CEP162: variants seen among roughly 807,000 people sequenced by gnomAD.
CEP162 encodes centrosomal protein 162, also known as centrosomal protein of 162 kDa.
CEP162 carries 141 observed loss-of-function variants against 169.2 expected under a neutral mutation model. That is an observed-to-expected ratio of 0.83 (90% confidence interval 0.73 to 0.96). The LOEUF (loss-of-function observed/expected upper bound fraction) is 0.96. Ranked by LOEUF, CEP162 falls within the 40% of genes least tolerant of loss-of-function variation. The pLI is 0.00. For missense variants in CEP162, 1,600 were observed against 1,587.2 expected, an observed-to-expected ratio of 1.01 and a Z score of -0.14; for synonymous variants, 540 against 526.4, an observed-to-expected ratio of 1.03 and a Z score of -0.35.
chr6:84,139,413 T>TG (rs1420518739), intron 25 of CEP162, among the ~76,000 whole-genome samples: 1 of 152,266 alleles, frequency 6.6e-6, no homozygotes, highest in Non-Finnish European at 1.5e-5. Context: ...TCCTGTGATG[T>TG]GTGCTGCACA....
intron 3 of CEP162, among the ~76,000 whole-genome samples, chr6:84,217,464 G>A (rs1447810319): frequency 6.6e-6 from 1 of 152,084 alleles, no homozygotes; most frequent in African/African-American, 2.4e-5. Flanking sequence ...GAGGAGGAAA[G>A]CAGTGTACAG....
At chr6:84,208,248 G>A (rs746272895) in intron 6 of CEP162, among the ~76,000 whole-genome samples, 2 of 152,108 alleles carry the variant, frequency 1.3e-5, no homozygotes, top group African/African-American at 2.4e-5. Flanking sequence ...CTACTTATGG[G>A]GAAGGTTGGA....
At chr6:84,180,020 A>T (rs919946794) in intron 13 of CEP162, among the ~76,000 whole-genome samples, 17 of 152,172 alleles carry the variant, frequency 1.1e-4, no homozygotes, top group African/African-American at 4.1e-4. Context: ...CTGATACTAA[A>T]GCCTGGCAGA....
chr6:84,173,683 TAC>T (rs1177165709), intron 16 of CEP162, among the ~76,000 whole-genome samples: 1 of 141,644 alleles, frequency 7.1e-6, no homozygotes, highest in East Asian at 1.9e-4. Flanking sequence ...TATTTTAATA[TAC>T]CTTTTTTTTT....
Position 84,147,953 on chromosome 6 carries a change from CTTT to C in CEP162, c.3772-1171_3772-1169del, listed in dbSNP as rs996283033. 7.2e-5 allele frequency among the ~76,000 whole-genome samples: 11 copies of C among 152,092 alleles called. 1 individual carries two copies. Among genetic ancestry groups the C allele is most frequent in the Admixed American group, 3.9e-4 (6 of 15,256 alleles). ...TAATGATCAGACTATGCTGATTTCT[CTTT>C]AACTCAATTTTACAATATTACATTT... On this transcript the variant is annotated intron_variant, in intron 24 of 26. Transcript: ENST00000403245.
chr6:84,140,684 C>T (rs1053358326), intron 25 of CEP162, among the ~76,000 whole-genome samples: 1 of 152,038 alleles, frequency 6.6e-6, no homozygotes, highest in African/African-American at 2.4e-5. Flanking sequence ...TGTTACTGCA[C>T]AGGCTAATTT....
At chr6:84,219,177 T>G (rs1217292041) in intron 3 of CEP162, 1 of 1,290,014 alleles carries the variant, frequency 7.8e-7, no homozygotes, top group East Asian at 5.6e-5. Context: ...TCTACACTCT[T>G]GATACAGGAA....
At chr6:84,195,285 T>C (rs1298001028) in intron 9 of CEP162, among the ~76,000 whole-genome samples, 1 of 152,234 alleles carries the variant, frequency 6.6e-6, no homozygotes, top group Non-Finnish European at 1.5e-5. Context: ...GTGGTAAGCA[T>C]AAAATCTGCT....
At chr6:84,175,039 G>T in intron 14 of CEP162, 85 bp from the exon 15 acceptor site, 1 of 1,000,750 alleles carries the variant, frequency 1.0e-6, no homozygotes. Context: ...AGAATAAAAA[G>T]GACATGGTTA....
chr6:84,180,275 C>T (rs2099534213), intron 13 of CEP162, among the ~76,000 whole-genome samples: 1 of 152,062 alleles, frequency 6.6e-6, no homozygotes, highest in African/African-American at 2.4e-5. Flanking sequence ...GTAGAAAAGG[C>T]CTTTGACAAA....
intron 13 of CEP162, 106 bp from the exon 14 acceptor site, chr6:84,175,453 G>A (rs1011961071): frequency 2.5e-6 from 2 of 797,972 alleles, no homozygotes; most frequent in Non-Finnish European, 1.9e-6. Context: ...CAAAAATGAG[G>A]ATCTCAGAAT....
rs199967488 is a variant in CEP162 at position 84,125,174 on chromosome 6, G to A, written c.4108C>T (p.Arg1370Cys). 5.6e-6 allele frequency: 9 copies of A among 1,613,442 alleles called. No individual in the cohort carries two copies. The highest frequency in any genetic ancestry group is 3.3e-5 in the South Asian group (3 of 91,056). ...QLKNRELEKF[R>C]TELDSILDVL... is the part of the protein sequence containing the mutation. ...TCTAATATTGAGTCTAGTTCTGTGC[G>A]GAACTTCTCCAGCTCACGATTCTTT... Residue 1370 changes from arginine (R) to cysteine (C), a missense_variant, in exon 27 of 27, where the codon CGC becomes TGC. Physicochemically the swap from Arg to Cys is radical, Grantham distance 180. Coordinates refer to ENST00000403245, the MANE Select transcript of CEP162 (RefSeq NM_014895.4).
In CEP162 at chr6:84,192,262, C is replaced by T. The variant is rs150880039; in HGVS notation, c.1109+1347G>A. 1.1e-4 allele frequency among the ~76,000 whole-genome samples: 17 copies of T among 152,274 alleles called. No individual in the cohort carries two copies. The East Asian group carries it at 1.7e-3, about 16-fold the overall frequency. ...GATCATATTACTGACATTTCTATTA[C>T]GTATGATTACTGTTATACCTTCAAA... is the stretch of plus-strand genomic sequence containing the variant. On this transcript the variant is annotated intron_variant, in intron 11 of 26. Transcript: ENST00000403245.
intron 24 of CEP162, among the ~76,000 whole-genome samples, chr6:84,148,349 T>G (rs189650767): frequency 6.0e-4 from 92 of 152,168 alleles, no homozygotes; most frequent in African/African-American, 1.8e-3. Flanking sequence ...GCCAACATGG[T>G]GAAACCCCAT....
intron 12 of CEP162, 90 bp downstream of exon 12, chr6:84,186,242 T>G: frequency 1.4e-6 from 1 of 717,354 alleles, no homozygotes; most frequent in African/African-American, 1.8e-5. Flanking sequence ...TCCCACTAGT[T>G]TAAAAAGCAC....
At chr6:84,217,684 G>C (rs2099552102) in intron 3 of CEP162, 1 of 152,392 alleles carries the variant, frequency 6.6e-6, no homozygotes, top group South Asian at 2.1e-4. Context: ...TGATGTGGCA[G>C]GCAAGATTTT....
Position 84,125,217 on chromosome 6 carries a change from C to T in CEP162, c.4065G>A (p.Trp1355Ter). 6.2e-7 allele frequency: 1 copy of T among 1,613,618 alleles called. No individual in the cohort carries two copies. The highest frequency in any genetic ancestry group is 1.1e-5 in the South Asian group (1 of 91,064). The change falls in exon 27 of 27, where the codon TGG (tryptophan) becomes TGA (stop). Residue 1355 changes from tryptophan to a stop codon, truncating the protein, a stop_gained. Transcript: ENST00000403245. LOFTEE classifies it high-confidence loss of function. ...GATTCTTTAACTGTGCCAGTCTTTT[C>T]CATTTTTCAACTTCTTTGTTTTGCT... ...ETEQNKEVEK[W>*]KRLAQLKNRE...
intron 3 of CEP162, among the ~76,000 whole-genome samples, chr6:84,219,885 G>C (rs1207992014): frequency 1.3e-5 from 2 of 152,148 alleles, no homozygotes; most frequent in Non-Finnish European, 2.9e-5. Flanking sequence ...ATGGTGTTCT[G>C]ACATCAAAAT....
At chr6:84,165,825 T>TA (rs759991208) in intron 18 of CEP162, among the ~76,000 whole-genome samples, 7 of 152,222 alleles carry the variant, frequency 4.6e-5, no homozygotes, top group Non-Finnish European at 8.8e-5. Context: ...TATATAATCT[T>TA]AGTTTCTAGC....
Sources: allele counts gnomAD v4.1 joint callset (sites outside exome capture counted in the v4.1 genomes callset), GRCh38; gene constraint gnomAD v4.1.1; transcripts MANE v1.5; gene names NCBI Gene and HGNC (gene_info 2026-07-23, HGNC 2026-07-21).